PODXL: variants seen among roughly 807,000 people sequenced by gnomAD.
PODXL encodes podocalyxin.
In PODXL, 20 loss-of-function variants were observed where a neutral mutation model predicts 48.9. That is an observed-to-expected ratio of 0.41 (90% confidence interval 0.29 to 0.59). The LOEUF (loss-of-function observed/expected upper bound fraction) is 0.59, where lower values mean the gene tolerates loss of function less well. Among genes scored for constraint, PODXL ranks in the 20% least tolerant of loss-of-function variants. The probability of loss-of-function intolerance (pLI) is 0.31; values close to 1 mark genes in which losing one functional copy is unlikely to be tolerated. For missense variants in PODXL, 606 were observed against 675.1 expected, an observed-to-expected ratio of 0.90 and a Z score of 1.13; for synonymous variants, 295 against 287.4, an observed-to-expected ratio of 1.03 and a Z score of -0.27.
At chr7:131,507,010 C>T (rs1265472997) in intron 5 of PODXL, 4 of 381,170 alleles carry the variant, frequency 1.0e-5, no homozygotes, top group African/African-American at 2.0e-5. Flanking sequence ...CACCCTAGTG[C>T]CTCTTTTTTC....
chr7:131,534,027 C>T (rs1029864764), intron 1 of PODXL, among the ~76,000 whole-genome samples: 1 of 142,928 alleles, frequency 7.0e-6, no homozygotes, highest in Admixed American at 6.8e-5. Flanking sequence ...TCCTGCTGAG[C>T]TGTGCAGGGG....
intron 1 of PODXL, among the ~76,000 whole-genome samples, chr7:131,547,684 A>T (rs961345559): frequency 2.0e-5 from 3 of 152,180 alleles, no homozygotes; most frequent in African/African-American, 4.8e-5. Flanking sequence ...ATCATACGGA[A>T]CAGTTAAAAG....
chr7:131,546,477 G>T, intron 1 of PODXL, among the ~76,000 whole-genome samples: 1 of 152,080 alleles, frequency 6.6e-6, no homozygotes, highest in Non-Finnish European at 1.5e-5. Context: ...TGTAATTCCA[G>T]CACTTTGGGA....
intron 1 of PODXL, among the ~76,000 whole-genome samples, 188 bp from the exon 2 acceptor site, chr7:131,511,621 T>C (rs1797916246): frequency 6.6e-6 from 1 of 152,130 alleles, no homozygotes; most frequent in Non-Finnish European, 1.5e-5. Context: ...TCTTTTTTTT[T>C]TCTTCTTCCT....
At chr7:131,555,572 A>AG (rs1798728683) in intron 1 of PODXL, among the ~76,000 whole-genome samples, 1 of 152,148 alleles carries the variant, frequency 6.6e-6, no homozygotes, top group African/African-American at 2.4e-5. Context: ...AGAGGATTCG[A>AG]GGGGGGTCTC....
Position 131,552,595 on chromosome 7 carries a change from C to T in PODXL, c.100+3665G>A, listed in dbSNP as rs538951909. Among the ~76,000 whole-genome samples the T allele has an allele frequency of 3.3e-5, 5 of 152,324 alleles. 1 individual carries two copies. The highest frequency in any genetic ancestry group is 4.1e-4 in the South Asian group (2 of 4,834). On this transcript the variant is annotated intron_variant, in intron 1 of 8. Coordinates refer to ENST00000378555, the MANE Select transcript of PODXL (RefSeq NM_001018111.3). Reference sequence around the variant, plus strand: ...CCTGAGGACCCTCCTGGGCAGGCCACGCTCCCCTCCTCAGCCCTTCTCTGG... The same window carrying T: ...CCTGAGGACCCTCCTGGGCAGGCCATGCTCCCCTCCTCAGCCCTTCTCTGG...
chr7:131,515,086 G>A (rs552163306), intron 1 of PODXL, among the ~76,000 whole-genome samples: 185 of 152,246 alleles, frequency 1.2e-3, no homozygotes, highest in African/African-American at 4.2e-3. Flanking sequence ...ACACATGCAC[G>A]CCCCTTTCCA....
intron 6 of PODXL, 72 bp downstream of exon 6, chr7:131,506,507 A>G (rs1364127953): frequency 1.3e-6 from 2 of 1,536,552 alleles, no homozygotes; most frequent in Non-Finnish European, 1.8e-6. Flanking sequence ...CCCACCCTCC[A>G]ATGTGGCTTC....
chr7:131,518,985 C>T (rs1347793900), intron 1 of PODXL, among the ~76,000 whole-genome samples: 1 of 152,178 alleles, frequency 6.6e-6, no homozygotes, highest in Non-Finnish European at 1.5e-5. Context: ...ACAGGCCTGC[C>T]TAACCTTCCA....
intron 1 of PODXL, among the ~76,000 whole-genome samples, chr7:131,545,201 G>A (rs566868148): frequency 6.6e-6 from 1 of 152,332 alleles, no homozygotes; most frequent in East Asian, 1.9e-4. Context: ...ACTTCTGGCT[G>A]AGAAGCAACA....
chr7:131,554,680 C>T (rs1031448865), intron 1 of PODXL, among the ~76,000 whole-genome samples: 1 of 152,138 alleles, frequency 6.6e-6, no homozygotes, highest in African/African-American at 2.4e-5. Context: ...CCCACAGTGC[C>T]TCCCACTCCT....
rs564326848 is a variant in PODXL at position 131,500,732 on chromosome 7, G to A, written c.*3579C>T. On this transcript the variant is annotated 3_prime_UTR_variant, in exon 9 of 9. Transcript: ENST00000378555. ...GATTCAGAGAAAGTGTAGAAGACCAGTTCTTATGTTTGTGTTCATGCCCTC... is the reference window on the plus strand; with the variant it reads ...GATTCAGAGAAAGTGTAGAAGACCAATTCTTATGTTTGTGTTCATGCCCTC... 1 of 152,214 alleles carries A rather than the reference G, an allele frequency of 6.6e-6. No individual in the cohort carries two copies. The highest frequency in any genetic ancestry group is 1.5e-5 in the Non-Finnish European group (1 of 68,034). 9.4% of individuals were successfully genotyped at this position (152,214 alleles called of 1,614,324 possible). A position where few individuals can be genotyped will look rare whatever the true frequency, so the allele number is the denominator to read the frequency against.
At chr7:131,529,786 T>C (rs1398328260) in intron 1 of PODXL, among the ~76,000 whole-genome samples, 1 of 152,030 alleles carries the variant, frequency 6.6e-6, no homozygotes, top group African/African-American at 2.4e-5. Context: ...TTGAAATGCA[T>C]CTGTGAAAGG....
chr7:131,532,875 G>A (rs746483814), intron 1 of PODXL, among the ~76,000 whole-genome samples: 33 of 152,234 alleles, frequency 2.2e-4, no homozygotes, highest in African/African-American at 5.3e-4. Context: ...AGGTCACAGC[G>A]TGAAGGCCCT....
At chr7:131,550,058 T>C (rs1798644801) in intron 1 of PODXL, among the ~76,000 whole-genome samples, 2 of 152,274 alleles carry the variant, frequency 1.3e-5, no homozygotes, top group South Asian at 2.1e-4. Context: ...GGGCCACTGA[T>C]GAATCTGCAG....
At chr7:131,530,875 A>G (rs952633488) in intron 1 of PODXL, among the ~76,000 whole-genome samples, 2 of 151,954 alleles carry the variant, frequency 1.3e-5, no homozygotes, top group African/African-American at 4.8e-5. Context: ...CCTGACCAAC[A>G]TGGAGAAACC....
chr7:131,540,876 G>C (rs764060655), intron 1 of PODXL, among the ~76,000 whole-genome samples: 2 of 152,204 alleles, frequency 1.3e-5, no homozygotes, highest in Non-Finnish European at 2.9e-5. Flanking sequence ...CTGAAACGGA[G>C]AGTGCCTCTG....
chr7:131,532,521 G>GT (rs1554386950), intron 1 of PODXL, among the ~76,000 whole-genome samples: 5 of 5,508 alleles, frequency 9.1e-4, no homozygotes, highest in Admixed American at 0.011. Context: ...TTTTTTTGGA[G>GT]GGGGGGTACA....
At chr7:131,544,667 G>A (rs1029907879) in intron 1 of PODXL, among the ~76,000 whole-genome samples, 14 of 151,252 alleles carry the variant, frequency 9.3e-5, no homozygotes, top group African/African-American at 2.9e-4. Flanking sequence ...ACGCACGCAC[G>A]CCCTGTACTA....
Sources: allele counts gnomAD v4.1 joint callset (sites outside exome capture counted in the v4.1 genomes callset), GRCh38; gene constraint gnomAD v4.1.1; transcripts MANE v1.5; gene names NCBI Gene and HGNC (gene_info 2026-07-23, HGNC 2026-07-21).